The following ZNF251 variants were observed in gnomAD, a reference collection of about 807,000 sequenced individuals.
The protein encoded by ZNF251 is zinc finger protein 251.
ZNF251 carries 14 observed loss-of-function variants against 13.5 expected under a neutral mutation model. The observed-to-expected ratio is 1.04, with a 90% CI of 0.69 to 1.63. ZNF251 has a LOEUF of 1.63. Among genes scored for constraint, ZNF251 ranks in the 40% most tolerant of loss-of-function variants. The pLI is 0.00. For synonymous variants in ZNF251, 287 were observed against 295.2 expected (o/e 0.97, Z 0.28); for missense variants, 764 against 834.9 (o/e 0.92, Z 1.05).
Position 144,754,280 on chromosome 8 carries a change from A to C in ZNF251, c.75T>G (p.Ser25=). The change falls in exon 3 of 5, where the codon TCT becomes TCG. Residue 25 remains serine (S), a synonymous_variant. Transcript: ENST00000292562. ...LTFQDVAVYF[S]QAEGRQLGPQ... ...GGCCCAGCTGCCGCCCCTCCGCCTG[A>C]GAGAAGTACACGGCCACATCCTGGA... The C allele has an allele frequency of 6.2e-7, 1 of 1,613,212 alleles. No individual in the cohort carries two copies. The highest frequency in any genetic ancestry group is 8.5e-7 in the Non-Finnish European group (1 of 1,179,620).
At chr8:144,742,762 A>G (rs575119873) in intron 4 of ZNF251, among the ~76,000 whole-genome samples, 21 of 152,328 alleles carry the variant, frequency 1.4e-4, no homozygotes, top group Non-Finnish European at 2.4e-4. Flanking sequence ...GGAATCATAC[A>G]GTATAGGTGT....
chr8:144,743,294 C>A (rs1311669043), intron 4 of ZNF251, among the ~76,000 whole-genome samples: 1 of 152,132 alleles, frequency 6.6e-6, no homozygotes. Context: ...GAACTGCTGA[C>A]CTCAAGTGAT....
intron 4 of ZNF251, among the ~76,000 whole-genome samples, chr8:144,731,237 C>T (rs968124556): frequency 1.4e-4 from 21 of 152,174 alleles, no homozygotes; most frequent in African/African-American, 5.1e-4. Context: ...TCAATCAACA[C>T]TTTAGTCAAA....
chr8:144,735,522 C>T (rs1472414807), intron 4 of ZNF251, among the ~76,000 whole-genome samples: 1 of 152,078 alleles, frequency 6.6e-6, no homozygotes, highest in Non-Finnish European at 1.5e-5. Context: ...TCCTCCAGGA[C>T]ACTGGCCCAC....
intron 4 of ZNF251, among the ~76,000 whole-genome samples, chr8:144,732,676 G>C (rs569764491): frequency 1.6e-4 from 24 of 152,208 alleles, no homozygotes; most frequent in African/African-American, 4.8e-4. Flanking sequence ...GCTGGGTGTG[G>C]TGGCAGGCAC....
intron 1 of ZNF251, chr8:144,755,037 G>A: frequency 7.3e-7 from 1 of 1,361,230 alleles, no homozygotes; most frequent in Admixed American, 3.4e-5. Context: ...GGCAGTTCCC[G>A]TGGTCCAGAC....
At position 144,722,292 on chromosome 8, in the gene ZNF251, A is replaced by G. The variant is rs774549736; in HGVS notation, c.1368T>C (p.Thr456=). The change falls in exon 5 of 5, where the codon ACT becomes ACC. Residue 456 remains threonine (T), a synonymous_variant. Transcript: ENST00000292562. This position sits in a 1 kb window ranked among gnomAD's most constrained non-coding sequence, Gnocchi z 4.8. The part of the protein sequence containing the change: ...STLVQHRRVH[T]GEKPYQCVEC... ...CAACGCACTGGTAGGGCTTCTCCCC[A>G]GTGTGAACTCTTCGATGCTGAACAA... 2 of 1,613,968 alleles carry G rather than the reference A, an allele frequency of 1.2e-6. No individual in the cohort carries two copies. Among genetic ancestry groups the G allele is most frequent in the South Asian group, 2.2e-5 (2 of 91,082 alleles).
intron 4 of ZNF251, among the ~76,000 whole-genome samples, chr8:144,739,742 T>C (rs913742019): frequency 5.3e-5 from 8 of 151,754 alleles, no homozygotes; most frequent in African/African-American, 1.7e-4. Context: ...CTACCAAAAA[T>C]ACAAAAATTA....
chr8:144,730,858 A>G (rs1261329975), intron 4 of ZNF251, among the ~76,000 whole-genome samples: 1 of 152,198 alleles, frequency 6.6e-6, no homozygotes, highest in East Asian at 1.9e-4. Flanking sequence ...CGAACAAACA[A>G]AAACAGAATC....
chr8:144,753,778 G>T lies in ZNF251; in HGVS notation c.182C>A (p.Pro61Gln). 6.3e-7 allele frequency: 1 copy of T among 1,585,048 alleles called. No homozygotes were observed. Residue 61 changes from proline to glutamine, a missense_variant, in exon 4 of 5, where the codon CCG becomes CAG. By Grantham distance (76) the Pro-to-Gln change is moderately conservative (BLOSUM62 -1). Coordinates refer to ENST00000292562, the MANE Select transcript of ZNF251 (RefSeq NM_138367.2). ...CTGCTCCAGCTGGGAGATCAACTCC[G>T]GCTTAGGGACAGGGAATCCTGTTGA... ...VASLGFPVPKPELISQLEQGK... is the reference protein window; with the variant it reads ...VASLGFPVPKQELISQLEQGK...
intron 4 of ZNF251, among the ~76,000 whole-genome samples, chr8:144,748,853 C>G (rs948821330): frequency 6.6e-6 from 1 of 152,194 alleles, no homozygotes; most frequent in East Asian, 1.9e-4. Flanking sequence ...GCCATCACTC[C>G]TGGCCGAAGC....
intron 4 of ZNF251, among the ~76,000 whole-genome samples, chr8:144,751,104 C>T (rs1479686513): frequency 6.6e-6 from 1 of 152,122 alleles, no homozygotes. Context: ...CTGCCTCGGC[C>T]TCCCAAAGTG....
intron 4 of ZNF251, among the ~76,000 whole-genome samples, chr8:144,732,626 C>CTG (rs1563758784): frequency 2.0e-5 from 3 of 151,302 alleles, no homozygotes; most frequent in African/African-American, 4.8e-5. Flanking sequence ...TCCTGGCCAA[C>CTG]ACGGTGAAAC....
At position 144,754,287 on chromosome 8, in the gene ZNF251, T is replaced by C. The variant is rs751622430; in HGVS notation, c.68A>G (p.Tyr23Cys). ...CTGCCGCCCCTCCGCCTGAGAGAAG[T>C]ACACGGCCACATCCTGGAAGGTCAG... Reference protein sequence around the residue: ...MPLTFQDVAVYFSQAEGRQLG... With the variant: ...MPLTFQDVAVCFSQAEGRQLG... Residue 23 changes from tyrosine to cysteine, a missense_variant, in exon 3 of 5, where the codon TAC (tyrosine) becomes TGC (cysteine). By Grantham distance (194) the Tyr-to-Cys change is radical. Coordinates refer to ENST00000292562, the MANE Select transcript of ZNF251 (RefSeq NM_138367.2). 1.2e-6 allele frequency: 2 copies of C among 1,612,814 alleles called. No individual in the cohort carries two copies. Among genetic ancestry groups the C allele is most frequent in the Admixed American group, 3.3e-5 (2 of 59,786 alleles).
chr8:144,722,090 C>T lies in ZNF251; in HGVS notation c.1570G>A (p.Ala524Thr). Residue 524 changes from alanine (A) to threonine (T), a missense_variant, in exon 5 of 5, where the codon GCC (alanine) becomes ACC (threonine). By Grantham distance (58) the Ala-to-Thr change is moderately conservative. Coordinates refer to ENST00000292562, the MANE Select transcript of ZNF251 (RefSeq NM_138367.2). This position sits in a 1 kb window ranked among gnomAD's most constrained non-coding sequence, Gnocchi z 4.8. ...GTGAGGCTGGAGCCATGAACAAAGG[C>T]TGGACCATGTTTTCTGCACTTACGA... ...ETRKCRKHGP[A>T]FVHGSSLTAD... The T allele has an allele frequency of 6.2e-7, 1 of 1,613,942 alleles. No individual in the cohort carries two copies. The highest frequency in any genetic ancestry group is 8.5e-7 in the Non-Finnish European group (1 of 1,179,882).
chr8:144,729,933 G>A, intron 4 of ZNF251: 1 of 565,542 alleles, frequency 1.8e-6, no homozygotes, highest in Non-Finnish European at 2.2e-6. Context: ...TGACTACTCA[G>A]ATAAAGATGT....
intron 4 of ZNF251, chr8:144,753,454 T>C: frequency 2.3e-6 from 1 of 441,114 alleles, no homozygotes. Context: ...AAAACAAAAA[T>C]ATGATCAGAA....
At chr8:144,754,911 G>C in intron 1 of ZNF251, 108 bp from the exon 2 acceptor site, 1 of 1,442,344 alleles carries the variant, frequency 6.9e-7, no homozygotes, top group Non-Finnish European at 9.1e-7. Context: ...GCGGGAGGCA[G>C]GTCACTATGC....
intron 4 of ZNF251, among the ~76,000 whole-genome samples, chr8:144,736,449 CCTTT>C (rs1420733115): frequency 1.3e-4 from 19 of 149,650 alleles, no homozygotes; most frequent in South Asian, 2.1e-4. Flanking sequence ...AGTTCACCTT[CCTTT>C]ATTTTATTTA....
Sources: gnomAD v4.1 joint callset for allele counts (sites outside exome capture counted in the v4.1 genomes callset) on GRCh38, gnomAD v4.1.1 for gene constraint, Gnocchi (gnomAD v3.1) non-coding constraint, MANE v1.5 for transcripts, NCBI Gene and HGNC (gene_info 2026-07-23, HGNC 2026-07-21) for gene names.